SLC4A4: variants seen among roughly 807,000 people sequenced by gnomAD.
SLC4A4 encodes electrogenic sodium bicarbonate cotransporter 1.
Under a neutral mutation model 111.5 loss-of-function variants are expected in SLC4A4, and 27 were observed. The observed-to-expected ratio is 0.24, with a 90% CI of 0.18 to 0.33. SLC4A4 has a LOEUF of 0.33. Ranked by LOEUF, SLC4A4 falls within the 10% of genes least tolerant of loss-of-function variation. SLC4A4 has a pLI of 1.00. For synonymous variants in SLC4A4, 443 were observed against 463.4 expected (o/e 0.96, Z 0.57); for missense variants, 909 against 1,315.5 (o/e 0.69, Z 4.78).
chr4:71,406,140 TGC>T, intron 7 of SLC4A4, among the ~76,000 whole-genome samples: 1 of 152,112 alleles, frequency 6.6e-6, no homozygotes, highest in Non-Finnish European at 1.5e-5. Flanking sequence ...TCAACACATT[TGC>T]AGCTTGGATC....
intron 6 of SLC4A4, among the ~76,000 whole-genome samples, chr4:71,366,315 T>TTGTGTGCGTGTG (rs1553898894): frequency 7.3e-6 from 1 of 137,914 alleles, no homozygotes; most frequent in East Asian, 2.1e-4. Context: ...TCTGGAGATA[T>TTGTGTGCGTGTG]TGTGTGTGTG....
chr4:71,323,166 T>C (rs1325621060), intron 3 of SLC4A4, among the ~76,000 whole-genome samples: 2 of 152,030 alleles, frequency 1.3e-5, no homozygotes, highest in African/African-American at 4.8e-5. Flanking sequence ...AATTGGCTTG[T>C]TTTCCTTATA....
chr4:71,257,278 A>G (rs1001566506), intron 3 of SLC4A4, among the ~76,000 whole-genome samples: 1 of 152,178 alleles, frequency 6.6e-6, no homozygotes, highest in Non-Finnish European at 1.5e-5. Flanking sequence ...TCCTATGGAG[A>G]GACAGTTGTT....
At chr4:71,297,916 A>G (rs1015257844) in intron 3 of SLC4A4, among the ~76,000 whole-genome samples, 1 of 152,132 alleles carries the variant, frequency 6.6e-6, no homozygotes, top group Non-Finnish European at 1.5e-5. Context: ...GTATAATTTT[A>G]AAATTAACCA....
chr4:71,172,950 A>G (rs940068536), intron 2 of SLC4A4, among the ~76,000 whole-genome samples: 7 of 152,212 alleles, frequency 4.6e-5, no homozygotes, highest in Non-Finnish European at 1.0e-4. Context: ...CCTTATACAT[A>G]CTTTGTAGTA....
intron 6 of SLC4A4, among the ~76,000 whole-genome samples, chr4:71,361,483 T>G (rs951330957): frequency 3.9e-5 from 6 of 152,262 alleles, no homozygotes; most frequent in Non-Finnish European, 7.3e-5. Context: ...TCTATGGGCA[T>G]GCCTGCCAGG....
At chr4:71,095,040 A>T (rs559352450) in intron 2 of SLC4A4, among the ~76,000 whole-genome samples, 18 of 152,366 alleles carry the variant, frequency 1.2e-4, no homozygotes, top group Non-Finnish European at 1.8e-4. Flanking sequence ...AGTTTTAAAC[A>T]CTATACAACA....
chr4:71,204,732 A>G (rs955523559), intron 1 of SLC4A4, among the ~76,000 whole-genome samples: 19 of 152,184 alleles, frequency 1.2e-4, no homozygotes, highest in Non-Finnish European at 2.4e-4. Flanking sequence ...TAAAGAAATG[A>G]ATCATTTTAA....
chr4:71,132,421 T>C (rs1295642090), intron 2 of SLC4A4, among the ~76,000 whole-genome samples: 2 of 152,174 alleles, frequency 1.3e-5, no homozygotes, highest in African/African-American at 2.4e-5. Flanking sequence ...TCCATGGAAA[T>C]AGAAGTGGCA....
At chr4:71,169,029 AT>A (rs1183525780) in intron 2 of SLC4A4, among the ~76,000 whole-genome samples, 1 of 151,586 alleles carries the variant, frequency 6.6e-6, no homozygotes, top group Non-Finnish European at 1.5e-5. Context: ...ATTTATATTT[AT>A]TTTTTGAGAT....
At chr4:71,301,338 G>T (rs987912321) in intron 3 of SLC4A4, 9 of 225,632 alleles carry the variant, frequency 4.0e-5, no homozygotes, top group Non-Finnish European at 7.0e-5. Context: ...AGAGTCATCT[G>T]CCAACTCCAT....
chr4:71,141,806 A>C (rs1744006064), intron 2 of SLC4A4, among the ~76,000 whole-genome samples: 1 of 152,352 alleles, frequency 6.6e-6, no homozygotes, highest in East Asian at 1.9e-4. Flanking sequence ...ATATATACTA[A>C]AGTGAGAACT....
At chr4:71,203,476 C>T (rs1746347455) in intron 1 of SLC4A4, among the ~76,000 whole-genome samples, 1 of 152,172 alleles carries the variant, frequency 6.6e-6, no homozygotes, top group African/African-American at 2.4e-5. Flanking sequence ...AAGCCAGCCA[C>T]AGTTACTGTG....
At chr4:71,082,817 T>A (rs1449788154) in intron 1 of SLC4A4, among the ~76,000 whole-genome samples, 1 of 151,864 alleles carries the variant, frequency 6.6e-6, no homozygotes, top group East Asian at 1.9e-4. Context: ...TAATCATTCA[T>A]TCCTGAAGTA....
chr4:71,266,376 C>T (rs113560824), intron 3 of SLC4A4, among the ~76,000 whole-genome samples: 2 of 152,270 alleles, frequency 1.3e-5, no homozygotes, highest in African/African-American at 4.8e-5. Context: ...TGGCTTGCTT[C>T]CTTGAAATCC....
At chr4:71,509,458 T>A (rs763240718) in intron 16 of SLC4A4, among the ~76,000 whole-genome samples, 39 of 152,102 alleles carry the variant, frequency 2.6e-4, no homozygotes, top group Non-Finnish European at 4.1e-4. Context: ...GTATAGTATA[T>A]TGGCTTTCAT....
In SLC4A4 at chr4:71,380,194, C is replaced by A. The variant is rs900758726; in HGVS notation, c.731-17383C>A. Reference sequence around the variant, plus strand: ...TGAGAATTAGATTCTTTGGTTAGGGCCTTCGTTTCTTACTGTCTAGATCAT... The same window carrying A: ...TGAGAATTAGATTCTTTGGTTAGGGACTTCGTTTCTTACTGTCTAGATCAT... On this transcript the variant is annotated intron_variant, in intron 6 of 25. Coordinates refer to ENST00000264485, the MANE Select transcript of SLC4A4 (RefSeq NM_001098484.3). Among the ~76,000 whole-genome samples the A allele has an allele frequency of 6.6e-5, 10 of 152,070 alleles. 1 individual carries two copies. The highest frequency in any genetic ancestry group is 1.5e-4 in the Non-Finnish European group (10 of 68,004).
chr4:71,522,488 G>A (rs1733039803), intron 16 of SLC4A4, among the ~76,000 whole-genome samples: 1 of 152,122 alleles, frequency 6.6e-6, no homozygotes, highest in Non-Finnish European at 1.5e-5. Flanking sequence ...GATTTGTGGT[G>A]GCAAAATGAA....
intron 23 of SLC4A4, among the ~76,000 whole-genome samples, chr4:71,562,418 G>C (rs975386277): frequency 6.6e-6 from 1 of 151,500 alleles, no homozygotes; most frequent in African/African-American, 2.4e-5. Flanking sequence ...GGGACATGAG[G>C]GTTACAGCTA....
Sources: allele counts gnomAD v4.1 joint callset (sites outside exome capture counted in the v4.1 genomes callset), GRCh38; gene constraint gnomAD v4.1.1; transcripts MANE v1.5; gene names NCBI Gene and HGNC (gene_info 2026-07-23, HGNC 2026-07-21).